BTRC: variants seen among roughly 807,000 people sequenced by gnomAD.
BTRC encodes beta-transducin repeat containing E3 ubiquitin protein ligase.
A neutral mutation model predicts 85.5 loss-of-function variants in BTRC; 42 were observed. The ratio of observed to expected loss-of-function variants is 0.49; its 90% CI spans 0.38 to 0.64. The LOEUF (loss-of-function observed/expected upper bound fraction) is 0.64, where lower values mean the gene tolerates loss of function less well. BTRC is among the 30% of genes least tolerant of loss of function. BTRC has a pLI of 0.00. For synonymous variants in BTRC, 255 were observed against 263.3 expected (o/e 0.97, Z 0.30); for missense variants, 594 against 743.5 (o/e 0.80, Z 2.34).
intron 8 of BTRC, among the ~76,000 whole-genome samples, 186 bp from the exon 9 acceptor site, chr10:101,532,766 G>GTGTGTA: frequency 1.4e-5 from 1 of 71,132 alleles, no homozygotes; most frequent in Non-Finnish European, 2.4e-5. Context: ...GTGTGTGTGT[G>GTGTGTA]TGTGTGTGTG....
chr10:101,405,615 G>A (rs556485118), intron 1 of BTRC, among the ~76,000 whole-genome samples: 1 of 152,260 alleles, frequency 6.6e-6, no homozygotes, highest in South Asian at 2.1e-4. Context: ...TCAGTGTTAT[G>A]TAAAAGTCTT....
intron 1 of BTRC, among the ~76,000 whole-genome samples, chr10:101,419,128 A>C (rs1944029662): frequency 6.6e-6 from 1 of 151,552 alleles, no homozygotes; most frequent in Non-Finnish European, 1.5e-5. Flanking sequence ...CTCCTGCCTC[A>C]GCCTCTGGAG....
intron 13 of BTRC, among the ~76,000 whole-genome samples, chr10:101,548,063 C>T (rs1180420424): frequency 6.6e-6 from 1 of 152,072 alleles, no homozygotes; most frequent in Non-Finnish European, 1.5e-5. Flanking sequence ...ACAAACCTAC[C>T]AAAATAAATG....
At chr10:101,464,044 C>T (rs188258080) in intron 3 of BTRC, among the ~76,000 whole-genome samples, 2 of 152,056 alleles carry the variant, frequency 1.3e-5, no homozygotes, top group African/African-American at 4.8e-5. Context: ...CTGATCTGTT[C>T]ATCTAAACCA....
At chr10:101,527,034 A>G (rs2062202891) in intron 6 of BTRC, among the ~76,000 whole-genome samples, 1 of 152,242 alleles carries the variant, frequency 6.6e-6, no homozygotes. Context: ...GTATGTCTCT[A>G]GAATGTCACT....
chr10:101,462,548 G>A (rs1279883129), intron 3 of BTRC, among the ~76,000 whole-genome samples: 10 of 151,710 alleles, frequency 6.6e-5, no homozygotes, highest in African/African-American at 1.5e-4. Context: ...GCATGCTGGC[G>A]CATGCCTGTA....
At chr10:101,526,327 T>G in intron 6 of BTRC, 128 bp downstream of exon 6, 1 of 824,986 alleles carries the variant, frequency 1.2e-6, no homozygotes, top group Non-Finnish European at 1.9e-6. Context: ...ATTTCTAGCT[T>G]AAAATGTAAC....
At chr10:101,426,280 A>G (rs1944249757) in intron 1 of BTRC, among the ~76,000 whole-genome samples, 1 of 152,218 alleles carries the variant, frequency 6.6e-6, no homozygotes, top group African/African-American at 2.4e-5. Context: ...AACCAATTTG[A>G]AGATTAGTTT....
chr10:101,520,712 CT>C (rs1380892682), intron 4 of BTRC, among the ~76,000 whole-genome samples: 5 of 152,190 alleles, frequency 3.3e-5, no homozygotes, highest in Non-Finnish European at 7.3e-5. Context: ...AATCCCAGTA[CT>C]TTGGGAGGCT....
At chr10:101,450,738 A>T (rs1944937431) in intron 2 of BTRC, among the ~76,000 whole-genome samples, 1 of 152,048 alleles carries the variant, frequency 6.6e-6, no homozygotes, top group Admixed American at 6.6e-5. Context: ...GCCCCCCAGG[A>T]CTCGTAAGTA....
intron 1 of BTRC, among the ~76,000 whole-genome samples, chr10:101,373,021 G>T (rs1402119756): frequency 6.6e-6 from 1 of 152,066 alleles, no homozygotes; most frequent in East Asian, 1.9e-4. Flanking sequence ...ATTTATTTAG[G>T]TTTGAATTTC....
At chr10:101,517,920 T>TC (rs1323905037) in intron 4 of BTRC, among the ~76,000 whole-genome samples, 2 of 148,532 alleles carry the variant, frequency 1.3e-5, no homozygotes, top group Non-Finnish European at 3.0e-5. Context: ...TTTTTTTTTT[T>TC]TTTTTTTTTT....
At chr10:101,443,633 A>G (rs938208065) in intron 2 of BTRC, among the ~76,000 whole-genome samples, 1 of 152,214 alleles carries the variant, frequency 6.6e-6, no homozygotes, top group African/African-American at 2.4e-5. Flanking sequence ...TGTAATCTTC[A>G]TTATTAAAAT....
chr10:101,535,013 G>A (rs2062364724), intron 10 of BTRC, 103 bp downstream of exon 10: 1 of 1,349,970 alleles, frequency 7.4e-7, no homozygotes, highest in Non-Finnish European at 1.0e-6. Flanking sequence ...ACAGAAAAAT[G>A]TAATATTTAA....
intron 4 of BTRC, among the ~76,000 whole-genome samples, chr10:101,518,738 T>C (rs1021971281): frequency 3.4e-4 from 52 of 152,174 alleles, no homozygotes; most frequent in African/African-American, 1.2e-3. Flanking sequence ...ACCCAGGACC[T>C]AGGGTCTCAA....
At chr10:101,521,559 A>G (rs1233884838) in intron 4 of BTRC, 80 bp from the exon 5 acceptor site, 3 of 1,016,940 alleles carry the variant, frequency 3.0e-6, no homozygotes, top group Non-Finnish European at 4.4e-6. Context: ...ATAATATAGC[A>G]TGCCATACCA....
chr10:101,519,114 C>T lies in BTRC; in HGVS notation c.325-2525C>T, dbSNP rs530786538. Among the ~76,000 whole-genome samples, 17 of 135,818 alleles carry T rather than the reference C, an allele frequency of 1.3e-4. No homozygotes were observed. The East Asian group carries it at 2.3e-3, about 19-fold the overall frequency. 89.1% of individuals were successfully genotyped at this position (135,818 alleles called of 152,430 possible). On this transcript the variant is annotated intron_variant, in intron 4 of 14. Coordinates refer to ENST00000370187, the MANE Select transcript of BTRC (RefSeq NM_033637.4). ...TTTTTTTGAGATGGAGTTTCGCTCTCGTTGCCCAGGCTGGAGTGCAATGGC... is the reference window on the plus strand; with the variant it reads ...TTTTTTTGAGATGGAGTTTCGCTCTTGTTGCCCAGGCTGGAGTGCAATGGC...
At chr10:101,448,889 C>T (rs1944892459) in intron 2 of BTRC, among the ~76,000 whole-genome samples, 1 of 151,606 alleles carries the variant, frequency 6.6e-6, no homozygotes, top group African/African-American at 2.4e-5. Flanking sequence ...TGTTTTTCAG[C>T]CTTGGGAACC....
intron 1 of BTRC, among the ~76,000 whole-genome samples, chr10:101,386,675 C>G (rs1253885862): frequency 6.6e-6 from 1 of 152,148 alleles, no homozygotes. Context: ...TTGCCAGTGT[C>G]ACAATTGATG....
Sources: allele counts gnomAD v4.1 joint callset (sites outside exome capture counted in the v4.1 genomes callset), GRCh38; gene constraint gnomAD v4.1.1; transcripts MANE v1.5; gene names NCBI Gene and HGNC (gene_info 2026-07-23, HGNC 2026-07-21).